The following CDH2 variants were observed in gnomAD, a reference collection of about 807,000 sequenced individuals.
The protein encoded by CDH2 is cadherin 2.
Under a neutral mutation model 92.0 loss-of-function variants are expected in CDH2, and 17 were observed. That is an observed-to-expected ratio of 0.18 (90% CI 0.13 to 0.28). CDH2 has a LOEUF of 0.28. CDH2 is among the 10% of genes least tolerant of loss of function. The pLI is 1.00. For missense variants in CDH2, 862 were observed against 1,133.1 expected, an observed-to-expected ratio of 0.76 and a Z score of 3.44; for synonymous variants, 419 against 415.9, an observed-to-expected ratio of 1.01 and a Z score of -0.09.
intron 4 of CDH2, among the ~76,000 whole-genome samples, chr18:28,010,686 G>T (rs184211448): frequency 1.4e-4 from 21 of 151,346 alleles, no homozygotes; most frequent in East Asian, 7.8e-4. Flanking sequence ...TTTTTGCGGG[G>T]GGGGAAGGAG....
At chr18:28,056,074 GA>G (rs2014287209) in intron 2 of CDH2, among the ~76,000 whole-genome samples, 2 of 144,632 alleles carry the variant, frequency 1.4e-5, no homozygotes, top group South Asian at 4.8e-4. Context: ...AGGTATAAAA[GA>G]TTTTTTTTTT....
intron 3 of CDH2, among the ~76,000 whole-genome samples, chr18:28,012,454 A>G (rs529516883): frequency 6.6e-6 from 1 of 152,312 alleles, no homozygotes; most frequent in East Asian, 1.9e-4. Context: ...TGACCCTATT[A>G]TATCCCACAG....
intron 2 of CDH2, among the ~76,000 whole-genome samples, chr18:28,051,229 A>T (rs1250665395): frequency 1.3e-5 from 2 of 152,150 alleles, no homozygotes; most frequent in Non-Finnish European, 2.9e-5. Flanking sequence ...GGTAGTCGGG[A>T]TTTCTCTATT....
At chr18:28,085,056 C>A (rs1450527117) in intron 2 of CDH2, among the ~76,000 whole-genome samples, 1 of 152,128 alleles carries the variant, frequency 6.6e-6, no homozygotes, top group Non-Finnish European at 1.5e-5. Context: ...CCACACCCAT[C>A]CCTAACTCTG....
chr18:28,076,521 C>T (rs2014721726), intron 2 of CDH2, among the ~76,000 whole-genome samples: 1 of 152,082 alleles, frequency 6.6e-6, no homozygotes. Context: ...AATTTTTTAA[C>T]ATTTTAGATA....
In CDH2 at chr18:27,993,161, T is replaced by C. The variant is rs533197404; in HGVS notation, c.1159-321A>G. 7.9e-5 allele frequency among the ~76,000 whole-genome samples: 12 copies of C among 152,350 alleles called. No individual in the cohort carries two copies. The East Asian group carries it at 1.5e-3, about 20-fold the overall frequency. ...GTGCAAAATGATTTTACTCCAGATA[T>C]GGATAATTATATGCTGACAAAGTAG... On this transcript the variant is annotated intron_variant, in intron 8 of 15. Coordinates refer to ENST00000269141, the MANE Select transcript of CDH2 (RefSeq NM_001792.5).
At chr18:27,958,057 T>A (rs1346264784) in intron 15 of CDH2, among the ~76,000 whole-genome samples, 1 of 152,152 alleles carries the variant, frequency 6.6e-6, no homozygotes, top group Non-Finnish European at 1.5e-5. Context: ...ACAAAGATAA[T>A]CTCGTTTAGT....
intron 2 of CDH2, among the ~76,000 whole-genome samples, chr18:28,040,668 C>T (rs2013931262): frequency 6.6e-6 from 1 of 152,158 alleles, no homozygotes; most frequent in South Asian, 2.1e-4. Context: ...TCCAGCCAAG[C>T]TTCAATGTAG....
intron 7 of CDH2, among the ~76,000 whole-genome samples, chr18:27,997,121 T>C (rs1463440819): frequency 1.3e-5 from 2 of 152,268 alleles, no homozygotes; most frequent in Non-Finnish European, 2.9e-5. Flanking sequence ...ATTCTGGCAG[T>C]CTCTACTTGA....
intron 2 of CDH2, among the ~76,000 whole-genome samples, chr18:28,081,035 C>T (rs762688261): frequency 6.6e-6 from 1 of 152,090 alleles, no homozygotes; most frequent in Non-Finnish European, 1.5e-5. Flanking sequence ...ATTAAACTCT[C>T]GGTCTTGGCT....
chr18:28,151,589 C>T (rs2016123401), intron 1 of CDH2, among the ~76,000 whole-genome samples: 1 of 152,176 alleles, frequency 6.6e-6, no homozygotes, highest in Admixed American at 6.5e-5. Flanking sequence ...AGCCTCATCA[C>T]TCTTGGAACA....
intron 7 of CDH2, among the ~76,000 whole-genome samples, chr18:28,001,035 C>T (rs186511306): frequency 2.8e-4 from 43 of 152,002 alleles, no homozygotes; most frequent in Non-Finnish European, 4.6e-4. Context: ...GGAAGGTTTT[C>T]CATAATTTTC....
intron 2 of CDH2, among the ~76,000 whole-genome samples, chr18:28,050,792 G>A (rs542851999): frequency 6.6e-5 from 10 of 152,268 alleles, no homozygotes; most frequent in African/African-American, 2.4e-4. Flanking sequence ...ATGCCTGAAA[G>A]CTCTCTTCTT....
chr18:28,112,376 T>C (rs1188990779), intron 2 of CDH2, among the ~76,000 whole-genome samples: 1 of 152,118 alleles, frequency 6.6e-6, no homozygotes. Context: ...ATGATCTGAA[T>C]GAGTGGAAAA....
rs545604293 is a variant in CDH2 at position 27,978,793 on chromosome 18, T to C, written c.2349+4151A>G. 3.1e-4 allele frequency among the ~76,000 whole-genome samples: 47 copies of C among 152,136 alleles called. No homozygotes were observed. In the South Asian group the frequency reaches 8.9e-3, roughly 29 times the overall value. On this transcript the variant is annotated intron_variant, in intron 14 of 15. Transcript: ENST00000269141. ...TCAGCCTCCCAAGTAGCTGGGACTA[T>C]AGGTATGAGCTACCATGCCTGGTTA...
At chr18:27,949,866 C>A (rs184801266), downstream of CDH2, among the ~76,000 whole-genome samples, 203 of 151,782 alleles carry the variant, frequency 1.3e-3, 2 homozygotes, top group Non-Finnish European at 2.9e-4. Flanking sequence ...ACCTTACAAA[C>A]ACTTAAAGTT....
At chr18:27,952,845 T>C (rs1909531960) in intron 15 of CDH2, among the ~76,000 whole-genome samples, 1 of 152,076 alleles carries the variant, frequency 6.6e-6, no homozygotes. Flanking sequence ...GTGAAGCAAA[T>C]GACAAGTGAC....
chr18:28,061,928 A>T (rs1599070992), intron 2 of CDH2, among the ~76,000 whole-genome samples: 1 of 152,116 alleles, frequency 6.6e-6, no homozygotes, highest in Admixed American at 6.6e-5. Flanking sequence ...CCCATGACAC[A>T]TGGGGGTTAT....
At chr18:28,021,719 T>G (rs2013415824) in intron 2 of CDH2, among the ~76,000 whole-genome samples, 1 of 151,954 alleles carries the variant, frequency 6.6e-6, no homozygotes, top group Non-Finnish European at 1.5e-5. Flanking sequence ...ATTAAATGTA[T>G]TAGCATTTAA....
Sources: allele counts gnomAD v4.1 joint callset (sites outside exome capture counted in the v4.1 genomes callset), GRCh38; gene constraint gnomAD v4.1.1; transcripts MANE v1.5; gene names NCBI Gene and HGNC (gene_info 2026-07-23, HGNC 2026-07-21).